The following SHISA5 variants were observed in gnomAD, a reference collection of about 807,000 sequenced individuals.
SHISA5 encodes protein shisa-5.
A neutral mutation model predicts 27.5 loss-of-function variants in SHISA5; 21 were observed. That is an observed-to-expected ratio of 0.76 (90% CI 0.54 to 1.10). The LOEUF is 1.10. Ranked by LOEUF, SHISA5 falls within the 50% of genes least tolerant of loss-of-function variation. The probability of loss-of-function intolerance (pLI) is 0.00; values close to 1 mark genes in which losing one functional copy is unlikely to be tolerated. For missense variants in SHISA5, 314 were observed against 336.3 expected, an observed-to-expected ratio of 0.93 and a Z score of 0.52; for synonymous variants, 137 against 142.2, an observed-to-expected ratio of 0.96 and a Z score of 0.26.
At chr3:48,481,507 T>C (rs1416307977) in intron 2 of SHISA5, among the ~76,000 whole-genome samples, 1 of 148,646 alleles carries the variant, frequency 6.7e-6, no homozygotes, top group South Asian at 2.1e-4. Flanking sequence ...TAATGGAAAA[T>C]GTGGCCAGGT....
intron 2 of SHISA5, among the ~76,000 whole-genome samples, chr3:48,497,357 G>T (rs2041587202): frequency 6.9e-6 from 1 of 145,324 alleles, no homozygotes; most frequent in African/African-American, 2.6e-5. Context: ...TCCGCCTCCT[G>T]GGTTCAAGCA....
At chr3:48,492,440 C>T (rs1465412545) in intron 2 of SHISA5, among the ~76,000 whole-genome samples, 1 of 144,074 alleles carries the variant, frequency 6.9e-6, no homozygotes, top group Non-Finnish European at 1.5e-5. Context: ...ACTGCAGTCC[C>T]GCCTGGGTGA....
At chr3:48,472,796 A>G (rs1381310775) in intron 3 of SHISA5, among the ~76,000 whole-genome samples, 1 of 152,188 alleles carries the variant, frequency 6.6e-6, no homozygotes, top group Non-Finnish European at 1.5e-5. Flanking sequence ...CTCTCAAAGC[A>G]GGAGCCATCA....
rs2040575957 is a variant in SHISA5 at position 48,470,666 on chromosome 3, C to G, written c.315-823G>C. Among the ~76,000 whole-genome samples the G allele has an allele frequency of 6.6e-6, 1 of 152,184 alleles. No homozygotes were observed. Among genetic ancestry groups the G allele is most frequent in the Admixed American group, 6.5e-5 (1 of 15,284 alleles). ...TTCTAGGAGGGGGCAGTGGCTCATG[C>G]CTGCAATCTCAGCACTTTGGGAGGC... On this transcript the variant is annotated intron_variant, in intron 3 of 5. Coordinates refer to ENST00000296444, the MANE Select transcript of SHISA5 (RefSeq NM_016479.6). The surrounding 1 kb of genome is among the most constrained non-coding windows in gnomAD (Gnocchi z 4.3).
intron 2 of SHISA5, among the ~76,000 whole-genome samples, chr3:48,481,605 G>A (rs752470893): frequency 7.4e-5 from 11 of 148,188 alleles, no homozygotes; most frequent in Admixed American, 4.0e-4. Context: ...CCTGGCCAAC[G>A]TGGCGAAACC....
intron 2 of SHISA5, among the ~76,000 whole-genome samples, chr3:48,498,651 T>C (rs2041646207): frequency 7.6e-6 from 1 of 131,224 alleles, no homozygotes; most frequent in African/African-American, 3.0e-5. Flanking sequence ...CACGCGCCAC[T>C]GCACTCCAGC....
chr3:48,504,340 G>T (rs2041842945), upstream of SHISA5: 1 of 349,586 alleles, frequency 2.9e-6, no homozygotes, highest in Non-Finnish European at 5.1e-6. This position sits in a 1 kb window ranked among gnomAD's most constrained non-coding sequence, Gnocchi z 4.0. Context: ...CCAGCTTCGC[G>T]CCCGGGGTCT....
At chr3:48,483,598 G>A (rs907117489) in intron 2 of SHISA5, among the ~76,000 whole-genome samples, 6 of 152,102 alleles carry the variant, frequency 3.9e-5, no homozygotes, top group African/African-American at 1.2e-4. Flanking sequence ...TCAATGAGCT[G>A]TTCGGTACAC....
Position 48,469,382 on chromosome 3 carries a change from C to T in SHISA5, c.622G>A (p.Ala208Thr), listed in dbSNP as rs375856656. ...TCACCAGCCAGGGTCTCGTGGTAGG[C>T]CGGTGGGCCCATGGGCTGGGCTGGG... ...PYPAQPMGPP[A>T]YHETLAGGAA... Residue 208 changes from alanine (A) to threonine (T), a missense_variant, in exon 5 of 6, where the codon GCC becomes ACC. Coordinates refer to ENST00000296444, the MANE Select transcript of SHISA5 (RefSeq NM_016479.6). The surrounding 1 kb of genome is among the most constrained non-coding windows in gnomAD (Gnocchi z 4.6). 4.4e-6 allele frequency: 7 copies of T among 1,594,182 alleles called. No homozygotes were observed. The highest frequency in any genetic ancestry group is 6.0e-6 in the Non-Finnish European group (7 of 1,167,756).
At chr3:48,472,920 G>T in intron 3 of SHISA5, 1 of 1,285,588 alleles carries the variant, frequency 7.8e-7, no homozygotes, top group South Asian at 1.3e-5. Context: ...CGCCATCAAT[G>T]ACATGCGACC....
intron 2 of SHISA5, among the ~76,000 whole-genome samples, chr3:48,495,356 A>G (rs1393294465): frequency 7.5e-6 from 1 of 133,244 alleles, no homozygotes; most frequent in Admixed American, 7.5e-5. Context: ...ATAGAGAGGG[A>G]GTCTCGCTCT....
intron 3 of SHISA5, chr3:48,477,104 GAA>G (rs759775368): frequency 2.7e-3 from 865 of 323,586 alleles, no homozygotes; most frequent in East Asian, 5.0e-3. Context: ...ATAACATTGA[GAA>G]AAAAAAAAAA....
chr3:48,504,326 G>C (rs1207827948), upstream of SHISA5: 1 of 356,858 alleles, frequency 2.8e-6, no homozygotes. This position sits in a 1 kb window ranked among gnomAD's most constrained non-coding sequence, Gnocchi z 4.0. Context: ...TCCCAGCCTC[G>C]GGGCCAGCTT....
At chr3:48,497,652 C>T (rs568642035) in intron 2 of SHISA5, among the ~76,000 whole-genome samples, 1 of 152,000 alleles carries the variant, frequency 6.6e-6, no homozygotes, top group South Asian at 2.1e-4. Flanking sequence ...TTTGGGAGGT[C>T]GAGGTGGGAG....
intron 2 of SHISA5, among the ~76,000 whole-genome samples, chr3:48,496,548 T>A (rs953373200): frequency 7.9e-5 from 12 of 151,244 alleles, no homozygotes; most frequent in Non-Finnish European, 1.6e-4. Context: ...CTGGCCAACA[T>A]GATGAAACCC....
At position 48,469,610 on chromosome 3, in the gene SHISA5, T is replaced by A; in HGVS notation, c.431-37A>T. The A allele has an allele frequency of 6.3e-7, 1 of 1,593,004 alleles. No individual in the cohort carries two copies. Among genetic ancestry groups the A allele is most frequent in the Admixed American group, 1.7e-5 (1 of 58,508 alleles). On this transcript the variant is annotated intron_variant, in intron 4 of 5. Coordinates refer to ENST00000296444, the MANE Select transcript of SHISA5 (RefSeq NM_016479.6). The surrounding 1 kb of genome is among the most constrained non-coding windows in gnomAD (Gnocchi z 4.6). The stretch of plus-strand genomic sequence containing the variant: ...ATTCCAGTCAGGACCCTCCTCCATC[T>A]CCCCAGGTCTTGAGAGCCAGGCTTG...
intron 2 of SHISA5, among the ~76,000 whole-genome samples, chr3:48,497,493 C>T (rs1006421109): frequency 5.3e-5 from 8 of 151,460 alleles, no homozygotes; most frequent in African/African-American, 1.9e-4. Flanking sequence ...GATCTCCTGA[C>T]CTCGTGACCC....
intron 2 of SHISA5, among the ~76,000 whole-genome samples, chr3:48,498,783 T>TA (rs751954810): frequency 7.2e-5 from 10 of 138,464 alleles, no homozygotes; most frequent in Non-Finnish European, 1.4e-4. Flanking sequence ...ATACAGGAAG[T>TA]AAAAAAAGGA....
At chr3:48,496,214 C>A (rs2107373176) in intron 2 of SHISA5, among the ~76,000 whole-genome samples, 1 of 151,104 alleles carries the variant, frequency 6.6e-6, no homozygotes, top group South Asian at 2.1e-4. Flanking sequence ...ATCACTTGAA[C>A]CCGGGAAGCG....
Sources: gnomAD v4.1 joint callset for allele counts (sites outside exome capture counted in the v4.1 genomes callset) on GRCh38, gnomAD v4.1.1 for gene constraint, Gnocchi (gnomAD v3.1) non-coding constraint, MANE v1.5 for transcripts, NCBI Gene and HGNC (gene_info 2026-07-23, HGNC 2026-07-21) for gene names.